Variants in RARB observed in about 807,000 individuals in gnomAD.
RARB encodes the protein HBV-activated protein.
In RARB, 17 loss-of-function variants were observed where a neutral mutation model predicts 51.9. The ratio of observed to expected loss-of-function variants is 0.33; its 90% CI spans 0.22 to 0.49. The LOEUF is 0.49. Among genes scored for constraint, RARB ranks in the 20% least tolerant of loss-of-function variants. The pLI is 0.99. For synonymous variants in RARB, 215 were observed against 195.4 expected, an observed-to-expected ratio of 1.10 and a Z score of -0.84; for missense variants, 369 against 550.8, an observed-to-expected ratio of 0.67 and a Z score of 3.30.
chr3:24,973,011 TTGCCTG>T (rs1277144859), intron 2 of RARB, among the ~76,000 whole-genome samples: 3 of 152,106 alleles, frequency 2.0e-5, no homozygotes, highest in Non-Finnish European at 4.4e-5. Flanking sequence ...TTTGCTTTTG[TTGCCTG>T]TGCTTTTAAG....
At chr3:24,895,552 T>G (rs1465818722) in intron 2 of RARB, among the ~76,000 whole-genome samples, 1 of 148,970 alleles carries the variant, frequency 6.7e-6, no homozygotes, top group Non-Finnish European at 1.5e-5. Flanking sequence ...AATGCAAAAT[T>G]TACGCTTTTT....
At chr3:25,291,055 A>T (rs1473699724) in intron 5 of RARB, among the ~76,000 whole-genome samples, 2 of 152,176 alleles carry the variant, frequency 1.3e-5, no homozygotes, top group Non-Finnish European at 2.9e-5. Context: ...CTTATGTCAT[A>T]CTTGGGCAAA....
At position 25,569,777 on chromosome 3, in the gene RARB, C is replaced by G; in HGVS notation, c.468C>G (p.Asn156Lys). 6.2e-7 allele frequency: 1 copy of G among 1,613,828 alleles called. No individual in the cohort carries two copies. The highest frequency in any genetic ancestry group is 8.5e-7 in the Non-Finnish European group (1 of 1,179,952). Reference sequence around the variant, plus strand: ...TTCCAGCTGTCAGGAATGACAGGAACAAGAAAAAGAAGGAGACTTCGAAGC... The same window carrying G: ...TTCCAGCTGTCAGGAATGACAGGAAGAAGAAAAAGAAGGAGACTTCGAAGC... ...MSKESVRNDR[N>K]KKKKETSKQE... Residue 156 changes from asparagine to lysine, a missense_variant, in exon 4 of 8, where the codon AAC becomes AAG. Asn to Lys is a moderately conservative substitution (Grantham distance 94). Coordinates refer to ENST00000330688, the MANE Select transcript of RARB (RefSeq NM_000965.5).
intron 2 of RARB, among the ~76,000 whole-genome samples, chr3:25,471,171 G>C (rs920825119): frequency 1.3e-5 from 2 of 152,118 alleles, no homozygotes; most frequent in Non-Finnish European, 2.9e-5. Flanking sequence ...ACAGGACAAG[G>C]TCTTTGGTGA....
At chr3:25,041,138 C>A (rs1430515390) in intron 2 of RARB, among the ~76,000 whole-genome samples, 1 of 152,160 alleles carries the variant, frequency 6.6e-6, no homozygotes, top group Non-Finnish European at 1.5e-5. Context: ...TACTGCCATT[C>A]CATATTTAAT....
chr3:25,156,566 TTAATTTTTAATCC>T (rs1402861781), intron 4 of RARB, among the ~76,000 whole-genome samples: 7 of 141,566 alleles, frequency 4.9e-5, no homozygotes, highest in African/African-American at 1.8e-4. Context: ...GACTTTTCAC[TTAATTTTTAATCC>T]TAATTTTTAA....
chr3:25,421,957 A>G (rs1323525870), intron 5 of RARB, among the ~76,000 whole-genome samples: 1 of 152,202 alleles, frequency 6.6e-6, no homozygotes, highest in East Asian at 1.9e-4. Flanking sequence ...CTATGCTGCA[A>G]TAGAGCTTTC....
chr3:24,873,970 G>A (rs1014505691), intron 2 of RARB, among the ~76,000 whole-genome samples: 4 of 151,924 alleles, frequency 2.6e-5, no homozygotes, highest in African/African-American at 9.7e-5. Context: ...AAAATAGCAA[G>A]GCAACAAAAT....
At chr3:24,987,296 T>A (rs1008259623) in intron 2 of RARB, among the ~76,000 whole-genome samples, 1 of 152,122 alleles carries the variant, frequency 6.6e-6, no homozygotes, top group African/African-American at 2.4e-5. Context: ...CATTTCAAGG[T>A]AAAGACACAA....
chr3:25,350,198 C>T (rs1705519590), intron 5 of RARB, among the ~76,000 whole-genome samples: 1 of 152,106 alleles, frequency 6.6e-6, no homozygotes, highest in Non-Finnish European at 1.5e-5. Context: ...CTCAAGGAGA[C>T]AGTAGACACA....
At chr3:25,102,918 A>G (rs6550948) in intron 3 of RARB, among the ~76,000 whole-genome samples, 135,289 of 152,216 alleles carry the variant, frequency 0.89, 60,455 homozygotes, top group African/African-American at 0.97. Context: ...GGTGGTGGTG[A>G]TGCATGCCTG....
At chr3:25,120,675 C>T (rs1016369706) in intron 3 of RARB, among the ~76,000 whole-genome samples, 1 of 151,970 alleles carries the variant, frequency 6.6e-6, no homozygotes, top group Non-Finnish European at 1.5e-5. Context: ...AAAAATGGAT[C>T]TTAATGATAT....
At chr3:25,510,418 G>T (rs1342970677) in intron 3 of RARB, among the ~76,000 whole-genome samples, 1 of 152,140 alleles carries the variant, frequency 6.6e-6, no homozygotes, top group Non-Finnish European at 1.5e-5. Context: ...GAGGTCAGGA[G>T]TTTGAGACCA....
intron 5 of RARB, among the ~76,000 whole-genome samples, chr3:25,316,189 G>T (rs1158493005): frequency 6.6e-6 from 1 of 152,120 alleles, no homozygotes; most frequent in Non-Finnish European, 1.5e-5. Context: ...GAGGACCATT[G>T]TATCTATGTA....
At chr3:25,467,083 G>A (rs1695466340) in intron 2 of RARB, among the ~76,000 whole-genome samples, 1 of 152,136 alleles carries the variant, frequency 6.6e-6, no homozygotes, top group East Asian at 1.9e-4. Context: ...AGCCATGTCT[G>A]GTCATTCCTC....
At chr3:25,310,729 A>G (rs1160952787) in intron 5 of RARB, among the ~76,000 whole-genome samples, 2 of 152,150 alleles carry the variant, frequency 1.3e-5, no homozygotes, top group Admixed American at 6.5e-5. Context: ...CTGTTCACAC[A>G]TGATTCCACT....
Position 25,207,304 on chromosome 3 carries a change from A to G in RARB, c.178+32729A>G, listed in dbSNP as rs1444868629. On this transcript the variant is annotated intron_variant, in intron 5 of 11. Coordinates refer to the RARB transcript ENST00000383772. ...CCCTGTGCCCATCTACCCATTTCAGATCACGTATCTTCTTATTCACTTAAC... is the reference window on the plus strand; with the variant it reads ...CCCTGTGCCCATCTACCCATTTCAGGTCACGTATCTTCTTATTCACTTAAC... 3.9e-5 allele frequency among the ~76,000 whole-genome samples: 6 copies of G among 152,300 alleles called. No homozygotes were observed. In the East Asian group the frequency reaches 1.2e-3, roughly 29 times the overall value.
chr3:25,384,725 T>C (rs1340120940), intron 5 of RARB, among the ~76,000 whole-genome samples: 1 of 152,108 alleles, frequency 6.6e-6, no homozygotes, highest in African/African-American at 2.4e-5. Context: ...CACCAGTGAG[T>C]TGCAGTTTAT....
intron 2 of RARB, among the ~76,000 whole-genome samples, chr3:24,946,433 C>G (rs1418034216): frequency 1.3e-5 from 2 of 149,716 alleles, no homozygotes; most frequent in African/African-American, 2.4e-5. Flanking sequence ...AAGTTGGAGA[C>G]AGCATTTAAT....
Sources: gnomAD v4.1 joint callset for allele counts (sites outside exome capture counted in the v4.1 genomes callset) on GRCh38, gnomAD v4.1.1 for gene constraint, MANE v1.5 for transcripts, NCBI Gene and HGNC (gene_info 2026-07-23, HGNC 2026-07-21) for gene names.